MACROD2: variants seen among roughly 807,000 people sequenced by gnomAD.
MACROD2 encodes mono-ADP ribosylhydrolase 2.
Under a neutral mutation model 70.4 loss-of-function variants are expected in MACROD2, and 36 were observed. The observed-to-expected ratio is 0.51, with a 90% CI of 0.39 to 0.68. The LOEUF is 0.68. Among genes scored for constraint, MACROD2 ranks in the 30% least tolerant of loss-of-function variants. The pLI is 0.00. For synonymous variants in MACROD2, 172 were observed against 178.8 expected (o/e 0.96, Z 0.30); for missense variants, 496 against 538.4 (o/e 0.92, Z 0.78).
At chr20:14,475,843 A>T (rs1283748946) in intron 3 of MACROD2, among the ~76,000 whole-genome samples, 1 of 151,694 alleles carries the variant, frequency 6.6e-6, no homozygotes, top group Non-Finnish European at 1.5e-5. Flanking sequence ...AACCTTTCAG[A>T]GTCTGATATA....
chr20:14,212,052 A>G (rs2122135942), intron 3 of MACROD2, among the ~76,000 whole-genome samples: 1 of 152,298 alleles, frequency 6.6e-6, no homozygotes, highest in Admixed American at 6.5e-5. Flanking sequence ...GAATACATAC[A>G]CATGCAGAGG....
intron 5 of MACROD2, among the ~76,000 whole-genome samples, chr20:15,227,110 A>C (rs965507845): frequency 1.3e-5 from 2 of 152,186 alleles, no homozygotes; most frequent in Non-Finnish European, 2.9e-5. Flanking sequence ...CTATAAATTT[A>C]ATATAGAGCA....
At chr20:15,454,015 G>A (rs1045701660) in intron 7 of MACROD2, among the ~76,000 whole-genome samples, 2 of 152,074 alleles carry the variant, frequency 1.3e-5, no homozygotes, top group Admixed American at 6.6e-5. Flanking sequence ...GCACCAGATC[G>A]TTACTCTGCT....
At chr20:14,711,750 A>T (rs2123663713) in intron 5 of MACROD2, among the ~76,000 whole-genome samples, 1 of 152,300 alleles carries the variant, frequency 6.6e-6, no homozygotes, top group African/African-American at 2.4e-5. Context: ...TGACTTATAG[A>T]AACAGTTGCA....
chr20:15,652,530 G>T (rs928548655), intron 8 of MACROD2, among the ~76,000 whole-genome samples: 1 of 152,174 alleles, frequency 6.6e-6, no homozygotes, highest in African/African-American at 2.4e-5. Context: ...GGATGACTAG[G>T]TTCACTAACT....
Position 14,773,588 on chromosome 20 carries a change from G to A in MACROD2, c.418+88629G>A, listed in dbSNP as rs942738903. ...TTATGGCCAAATAATATTCTATTAT[G>A]TATACATATATAAATGGATATAGAA... On this transcript the variant is annotated intron_variant, in intron 5 of 17. Transcript: ENST00000684519. Among the ~76,000 whole-genome samples, 25 of 151,792 alleles carry A rather than the reference G, an allele frequency of 1.6e-4. 1 individual carries two copies. The highest frequency in any genetic ancestry group is 3.4e-4 in the Non-Finnish European group (23 of 67,984).
At chr20:15,263,446 T>C (rs1412699260) in intron 6 of MACROD2, among the ~76,000 whole-genome samples, 1 of 152,094 alleles carries the variant, frequency 6.6e-6, no homozygotes, top group Non-Finnish European at 1.5e-5. Flanking sequence ...TGTAGCATAA[T>C]TTGAAGTCAA....
At chr20:14,937,427 T>A (rs755302939) in intron 5 of MACROD2, among the ~76,000 whole-genome samples, 10 of 152,138 alleles carry the variant, frequency 6.6e-5, no homozygotes, top group Non-Finnish European at 1.5e-4. Flanking sequence ...AAAAATATTC[T>A]TGTGAATAAT....
chr20:15,982,120 T>C (rs952289205), intron 13 of MACROD2, among the ~76,000 whole-genome samples: 5 of 152,158 alleles, frequency 3.3e-5, no homozygotes, highest in African/African-American at 1.2e-4. Context: ...GCTATTACTT[T>C]ACTTGTGTCA....
intron 15 of MACROD2, among the ~76,000 whole-genome samples, chr20:16,011,150 TG>T: frequency 6.6e-6 from 1 of 152,316 alleles, no homozygotes; most frequent in South Asian, 2.1e-4. Context: ...TGAAGAAGCA[TG>T]TTCTAATCGA....
intron 5 of MACROD2, among the ~76,000 whole-genome samples, chr20:15,146,253 T>TA (rs2076229345): frequency 6.6e-6 from 1 of 152,184 alleles, no homozygotes; most frequent in Admixed American, 6.5e-5. Flanking sequence ...GCTTTAGTGA[T>TA]ACGGAATATA....
At chr20:14,360,328 A>T (rs75540082) in intron 3 of MACROD2, among the ~76,000 whole-genome samples, 2,174 of 152,356 alleles carry the variant, frequency 0.014, 15 homozygotes, top group African/African-American at 0.022. Flanking sequence ...CAATTTAGCC[A>T]TTCCACAATG....
At chr20:14,563,736 A>T (rs1235586844) in intron 4 of MACROD2, among the ~76,000 whole-genome samples, 2 of 151,782 alleles carry the variant, frequency 1.3e-5, no homozygotes, top group African/African-American at 4.8e-5. Flanking sequence ...CTAGTTTTTC[A>T]TTTGTAAAGC....
At chr20:14,359,372 T>A (rs555207206) in intron 3 of MACROD2, among the ~76,000 whole-genome samples, 4 of 152,214 alleles carry the variant, frequency 2.6e-5, no homozygotes, top group Non-Finnish European at 4.4e-5. Flanking sequence ...TTGGTGGGAA[T>A]GTAAACTAGT....
intron 3 of MACROD2, among the ~76,000 whole-genome samples, chr20:14,237,101 T>C (rs922655515): frequency 2.0e-4 from 30 of 152,284 alleles, no homozygotes; most frequent in Non-Finnish European, 2.8e-4. Flanking sequence ...TAATATTTCA[T>C]AATCTAGTAG....
chr20:14,308,406 C>T (rs1379023593), intron 3 of MACROD2, among the ~76,000 whole-genome samples: 1 of 152,072 alleles, frequency 6.6e-6, no homozygotes, highest in Non-Finnish European at 1.5e-5. Flanking sequence ...CTGACTTTGT[C>T]CAGATCATTT....
chr20:15,135,010 G>C (rs915918126), intron 5 of MACROD2, among the ~76,000 whole-genome samples: 11 of 152,134 alleles, frequency 7.2e-5, no homozygotes, highest in East Asian at 5.8e-4. Context: ...CAAGACTAAA[G>C]CAGGAAGAAG....
intron 5 of MACROD2, among the ~76,000 whole-genome samples, chr20:14,710,352 A>T (rs1186949284): frequency 6.6e-6 from 1 of 152,210 alleles, no homozygotes; most frequent in Admixed American, 6.5e-5. Flanking sequence ...ACAAATATTG[A>T]ATAAGACCCT....
chr20:16,002,965 A>G (rs967568680), intron 15 of MACROD2, among the ~76,000 whole-genome samples: 16 of 152,126 alleles, frequency 1.1e-4, no homozygotes, highest in Non-Finnish European at 5.9e-5. Flanking sequence ...GAGTCTCCTC[A>G]GTTGCACTTT....
Sources: gnomAD v4.1 joint callset for allele counts (sites outside exome capture counted in the v4.1 genomes callset) on GRCh38, gnomAD v4.1.1 for gene constraint, MANE v1.5 for transcripts, NCBI Gene and HGNC (gene_info 2026-07-23, HGNC 2026-07-21) for gene names.